The following KCNIP4 variants were observed in gnomAD, a reference collection of about 807,000 sequenced individuals.
KCNIP4 encodes the protein Kv channel-interacting protein 4.
Under a neutral mutation model 34.0 loss-of-function variants are expected in KCNIP4, and 12 were observed. That is an observed-to-expected ratio of 0.35 (90% CI 0.23 to 0.57). The LOEUF (loss-of-function observed/expected upper bound fraction) is 0.57. Among genes scored for constraint, KCNIP4 ranks in the 20% least tolerant of loss-of-function variants. KCNIP4 has a pLI of 0.83. For synonymous variants in KCNIP4, 124 were observed against 102.2 expected, an observed-to-expected ratio of 1.21 and a Z score of -1.29; for missense variants, 238 against 311.7, an observed-to-expected ratio of 0.76 and a Z score of 1.78.
At chr4:21,141,211 A>C (rs545253432) in intron 1 of KCNIP4, among the ~76,000 whole-genome samples, 1 of 152,358 alleles carries the variant, frequency 6.6e-6, no homozygotes, top group African/African-American at 2.4e-5. Flanking sequence ...AGAGACATGA[A>C]GTGAGTACAT....
At chr4:20,884,404 C>T (rs1258308285) in intron 1 of KCNIP4, among the ~76,000 whole-genome samples, 2 of 151,908 alleles carry the variant, frequency 1.3e-5, no homozygotes, top group Admixed American at 6.6e-5. Context: ...CCCTTGACCC[C>T]CACCCCCTGA....
intron 1 of KCNIP4, among the ~76,000 whole-genome samples, chr4:21,073,573 C>T (rs1219070539): frequency 6.6e-6 from 1 of 152,174 alleles, no homozygotes; most frequent in Non-Finnish European, 1.5e-5. Flanking sequence ...ACAATCATGT[C>T]ATCTGCAAAC....
chr4:21,866,413 T>C (rs1041021004), intron 1 of KCNIP4, among the ~76,000 whole-genome samples: 8 of 152,204 alleles, frequency 5.3e-5, no homozygotes, highest in Non-Finnish European at 1.0e-4. Flanking sequence ...TTTGCCATAA[T>C]ATCTGTAGGG....
intron 1 of KCNIP4, among the ~76,000 whole-genome samples, chr4:21,786,571 TC>T (rs1390207398): frequency 4.1e-5 from 2 of 48,612 alleles, no homozygotes; most frequent in African/African-American, 1.2e-4. Context: ...AGAGAGTCAC[TC>T]TTTTTTTTTT....
intron 1 of KCNIP4, among the ~76,000 whole-genome samples, chr4:21,930,321 C>G (rs1729494412): frequency 6.6e-6 from 1 of 152,142 alleles, no homozygotes; most frequent in Non-Finnish European, 1.5e-5. Context: ...ACCTTCCACA[C>G]TGCTTTAATT....
intron 1 of KCNIP4, among the ~76,000 whole-genome samples, chr4:21,345,903 T>C (rs1169865949): frequency 6.6e-6 from 1 of 150,470 alleles, no homozygotes; most frequent in Non-Finnish European, 1.5e-5. Context: ...TGTTGAGAAA[T>C]GGAGGATTTG....
At chr4:21,399,219 G>A (rs1311145884) in intron 1 of KCNIP4, among the ~76,000 whole-genome samples, 1 of 152,208 alleles carries the variant, frequency 6.6e-6, no homozygotes, top group Non-Finnish European at 1.5e-5. Context: ...AGAGCATGGT[G>A]TTGCCTTGGC....
intron 1 of KCNIP4, among the ~76,000 whole-genome samples, chr4:21,796,829 T>C (rs556490269): frequency 5.3e-5 from 8 of 152,354 alleles, no homozygotes; most frequent in Admixed American, 3.3e-4. Context: ...AGATTACATG[T>C]TCCGGAAAAG....
intron 1 of KCNIP4, among the ~76,000 whole-genome samples, chr4:21,167,612 T>C (rs950884643): frequency 6.6e-6 from 1 of 152,190 alleles, no homozygotes; most frequent in Non-Finnish European, 1.5e-5. Flanking sequence ...ATCTTCAACA[T>C]TGAGATTCAA....
intron 1 of KCNIP4, among the ~76,000 whole-genome samples, chr4:21,666,582 GTC>G (rs1285485705): frequency 6.6e-6 from 1 of 152,100 alleles, no homozygotes; most frequent in Non-Finnish European, 1.5e-5. Context: ...CTCTGTTCTG[GTC>G]TCTACTGATT....
chr4:21,613,372 T>C (rs1385298705), intron 1 of KCNIP4: 1 of 152,144 alleles, frequency 6.6e-6, no homozygotes, highest in Non-Finnish European at 1.5e-5. Flanking sequence ...CAAGCAGCCT[T>C]ATGGAGCAGT....
intron 1 of KCNIP4, among the ~76,000 whole-genome samples, chr4:21,584,644 G>C (rs143254756): frequency 3.3e-5 from 5 of 152,148 alleles, no homozygotes; most frequent in East Asian, 1.9e-4. Flanking sequence ...AGAGAGCAAG[G>C]CTCAGACTCA....
chr4:21,722,906 T>C (rs182344479), intron 1 of KCNIP4, among the ~76,000 whole-genome samples: 306 of 152,286 alleles, frequency 2.0e-3, no homozygotes, highest in Non-Finnish European at 3.5e-3. Context: ...TGTGTAACCT[T>C]CAAGGGAATA....
At chr4:21,088,300 G>A (rs757156638) in intron 1 of KCNIP4, among the ~76,000 whole-genome samples, 2 of 152,038 alleles carry the variant, frequency 1.3e-5, no homozygotes, top group Non-Finnish European at 2.9e-5. Context: ...AATTAAGTTA[G>A]TTGGTTACCT....
chr4:21,765,158 C>CT (rs35619474), intron 1 of KCNIP4, among the ~76,000 whole-genome samples: 19,029 of 146,252 alleles, frequency 0.13, 4,160 homozygotes, highest in African/African-American at 0.45. Flanking sequence ...TGAAGAGAAC[C>CT]TTTTTTTTTT....
intron 1 of KCNIP4, among the ~76,000 whole-genome samples, chr4:21,335,383 C>T (rs536581359): frequency 1.3e-5 from 2 of 152,016 alleles, no homozygotes; most frequent in African/African-American, 2.4e-5. Context: ...TCTCCCTTGC[C>T]CCTGAAATTT....
chr4:21,838,345 G>A (rs1284789847), intron 1 of KCNIP4, among the ~76,000 whole-genome samples: 1 of 152,156 alleles, frequency 6.6e-6, no homozygotes, highest in African/African-American at 2.4e-5. Flanking sequence ...TCACTCTTGT[G>A]TTGTAAAAGT....
At chr4:21,609,460 G>A (rs1235956197) in intron 1 of KCNIP4, among the ~76,000 whole-genome samples, 3 of 152,150 alleles carry the variant, frequency 2.0e-5, no homozygotes, top group African/African-American at 7.2e-5. Flanking sequence ...ATATGGTTCT[G>A]TGCAAAACAA....
chr4:21,331,235 A>G (rs1715606512), intron 1 of KCNIP4, among the ~76,000 whole-genome samples: 2 of 152,046 alleles, frequency 1.3e-5, no homozygotes, highest in Admixed American at 1.3e-4. Flanking sequence ...AGCAGCTTAT[A>G]CTACATGTCA....
Sources: allele counts gnomAD v4.1 joint callset (sites outside exome capture counted in the v4.1 genomes callset), GRCh38; gene constraint gnomAD v4.1.1; transcripts MANE v1.5; gene names NCBI Gene and HGNC (gene_info 2026-07-23, HGNC 2026-07-21).